The following FTO variants were observed in gnomAD, a reference collection of about 807,000 sequenced individuals.
FTO encodes the protein alpha-ketoglutarate-dependent dioxygenase FTO.
FTO carries 47 observed loss-of-function variants against 63.9 expected under a neutral mutation model. That is an observed-to-expected ratio of 0.74 (90% CI 0.58 to 0.94). The LOEUF (loss-of-function observed/expected upper bound fraction) is 0.94, where lower values mean the gene tolerates loss of function less well. Ranked by LOEUF, FTO falls within the 40% of genes least tolerant of loss-of-function variation. The probability of loss-of-function intolerance (pLI) is 0.00; values close to 1 mark genes in which losing one functional copy is unlikely to be tolerated. For missense variants in FTO, 562 were observed against 618.1 expected (o/e 0.91, Z 0.96); for synonymous variants, 207 against 224.4 (o/e 0.92, Z 0.69).
At chr16:53,838,523 C>CACCA (rs2079373531) in intron 3 of FTO, among the ~76,000 whole-genome samples, 19 of 151,902 alleles carry the variant, frequency 1.3e-4, no homozygotes, top group Admixed American at 1.1e-3. Context: ...GTTGGCCAGG[C>CACCA]TGGTCTTGAA....
intron 8 of FTO, among the ~76,000 whole-genome samples, chr16:54,024,668 G>A (rs1407907858): frequency 1.3e-5 from 2 of 152,078 alleles, no homozygotes; most frequent in Admixed American, 6.5e-5. Context: ...ATTCTCCCTC[G>A]GTTTTCCCAT....
At chr16:53,978,250 T>A (rs2083469633) in intron 8 of FTO, among the ~76,000 whole-genome samples, 1 of 152,148 alleles carries the variant, frequency 6.6e-6, no homozygotes, top group Non-Finnish European at 1.5e-5. Context: ...TACCAATTGA[T>A]TGGTACTTGC....
rs184144090 is a variant in FTO at position 53,869,772 on chromosome 16, C to T, written c.896-4014C>T. Among the ~76,000 whole-genome samples, 322 of 152,228 alleles carry T rather than the reference C, an allele frequency of 2.1e-3. 4 individuals are homozygous for T. The highest frequency in any genetic ancestry group is 7.4e-3 in the African/African-American group (309 of 41,540). The stretch of plus-strand genomic sequence containing the variant: ...ACGTTCCCCATCAGTTCTTGCATGT[C>T]GTCTACGTTGTCCTTTAGGGTCCTT... On this transcript the variant is annotated intron_variant, in intron 4 of 8. Coordinates refer to ENST00000471389, the MANE Select transcript of FTO (RefSeq NM_001080432.3).
chr16:53,716,161 A>C (rs888701349), intron 1 of FTO, among the ~76,000 whole-genome samples: 3 of 152,144 alleles, frequency 2.0e-5, no homozygotes, highest in Admixed American at 6.5e-5. Context: ...CTTGTTTCTG[A>C]ATGACTCGTA....
intron 8 of FTO, among the ~76,000 whole-genome samples, chr16:54,035,263 C>T (rs138631013): frequency 1.6e-3 from 250 of 152,284 alleles, no homozygotes; most frequent in African/African-American, 5.9e-3. Context: ...TTTCCAAGAT[C>T]ATTCACATCC....
chr16:53,947,157 A>G (rs2082669035), intron 8 of FTO, among the ~76,000 whole-genome samples: 1 of 152,184 alleles, frequency 6.6e-6, no homozygotes, highest in Non-Finnish European at 1.5e-5. Context: ...TGAAGGAATT[A>G]TGGTGGGTCA....
At chr16:53,713,940 A>G (rs1315431911) in intron 1 of FTO, among the ~76,000 whole-genome samples, 2 of 152,116 alleles carry the variant, frequency 1.3e-5, no homozygotes, top group Non-Finnish European at 2.9e-5. Context: ...TTTGACTATT[A>G]GACGTACATT....
intron 7 of FTO, among the ~76,000 whole-genome samples, chr16:53,924,104 A>G (rs2082078228): frequency 1.3e-5 from 2 of 152,196 alleles, no homozygotes; most frequent in Admixed American, 6.5e-5. Flanking sequence ...TATTTCCCCC[A>G]AGACTTCATA....
At chr16:53,760,100 T>C (rs190432652) in intron 1 of FTO, among the ~76,000 whole-genome samples, 1 of 152,152 alleles carries the variant, frequency 6.6e-6, no homozygotes, top group African/African-American at 2.4e-5. Context: ...AGTTCCTGGT[T>C]ATTGTATTCC....
At chr16:53,841,479 CT>C (rs1445076165) in intron 3 of FTO, among the ~76,000 whole-genome samples, 1 of 152,114 alleles carries the variant, frequency 6.6e-6, no homozygotes, top group Non-Finnish European at 1.5e-5. Context: ...TCAGACCAAA[CT>C]TAGGGGAAAG....
intron 1 of FTO, among the ~76,000 whole-genome samples, chr16:53,727,839 G>A (rs149668664): frequency 4.9e-4 from 74 of 152,314 alleles, no homozygotes; most frequent in Non-Finnish European, 8.4e-4. Flanking sequence ...AGGAGGTACT[G>A]TTTGTAAAGT....
At chr16:53,859,004 G>A (rs2080092058) in intron 4 of FTO, among the ~76,000 whole-genome samples, 2 of 152,126 alleles carry the variant, frequency 1.3e-5, no homozygotes, top group Non-Finnish European at 2.9e-5. Context: ...ATCCACTTTA[G>A]CCAGGGCTAC....
intron 1 of FTO, among the ~76,000 whole-genome samples, chr16:53,736,612 G>A (rs2076396150): frequency 6.6e-6 from 1 of 152,112 alleles, no homozygotes; most frequent in African/African-American, 2.4e-5. Flanking sequence ...TAATGTTCTT[G>A]CCTCTATTTT....
At chr16:53,880,309 A>G (rs892254378) in intron 6 of FTO, among the ~76,000 whole-genome samples, 1 of 152,158 alleles carries the variant, frequency 6.6e-6, no homozygotes, top group African/African-American at 2.4e-5. Context: ...ACTTTCAAGA[A>G]TTGTGAAAGA....
At chr16:54,011,391 C>G (rs1251732515) in intron 8 of FTO, among the ~76,000 whole-genome samples, 4 of 152,162 alleles carry the variant, frequency 2.6e-5, no homozygotes, top group Non-Finnish European at 5.9e-5. Flanking sequence ...ATAGATTTAC[C>G]TGGTGAGTCA....
intron 7 of FTO, among the ~76,000 whole-genome samples, chr16:53,901,035 C>T (rs897449014): frequency 2.6e-5 from 4 of 152,158 alleles, no homozygotes; most frequent in African/African-American, 9.7e-5. Flanking sequence ...ACATGTGCAA[C>T]TAAAAATAAA....
intron 1 of FTO, among the ~76,000 whole-genome samples, chr16:53,796,840 T>C (rs2078086171): frequency 6.6e-6 from 1 of 152,184 alleles, no homozygotes; most frequent in Admixed American, 6.5e-5. Context: ...ATATTTAAAG[T>C]TTTGACATAC....
At chr16:54,086,090 A>T (rs572135861) in intron 8 of FTO, among the ~76,000 whole-genome samples, 16 of 152,320 alleles carry the variant, frequency 1.1e-4, no homozygotes, top group East Asian at 7.7e-4. Flanking sequence ...GATTTTTTTT[A>T]AAGTGGAAAA....
chr16:53,849,343 AC>A (rs1440703609), intron 4 of FTO, among the ~76,000 whole-genome samples: 2 of 152,220 alleles, frequency 1.3e-5, no homozygotes, highest in Non-Finnish European at 2.9e-5. Flanking sequence ...AAGAGTGGGA[AC>A]TGGACCATGG....
Sources: allele counts gnomAD v4.1 joint callset (sites outside exome capture counted in the v4.1 genomes callset), GRCh38; gene constraint gnomAD v4.1.1; transcripts MANE v1.5; gene names NCBI Gene and HGNC (gene_info 2026-07-23, HGNC 2026-07-21).